Variants in RALGPS2 observed in about 807,000 individuals in gnomAD.
RALGPS2 encodes the protein Ral GEF with PH domain and SH3 binding motif 2, also known as ras-specific guanine nucleotide-releasing factor RalGPS2.
In RALGPS2, 43 loss-of-function variants were observed where a neutral mutation model predicts 86.8. The ratio of observed to expected loss-of-function variants is 0.50; its 90% CI spans 0.39 to 0.64. The LOEUF (loss-of-function observed/expected upper bound fraction) is 0.64. Ranked by LOEUF, RALGPS2 falls within the 30% of genes least tolerant of loss-of-function variation. The probability of loss-of-function intolerance (pLI) is 0.00; values close to 1 mark genes in which losing one functional copy is unlikely to be tolerated. For missense variants in RALGPS2, 536 were observed against 694.6 expected (o/e 0.77, Z 2.57); for synonymous variants, 243 against 231.3 (o/e 1.05, Z -0.46).
intron 1 of RALGPS2, among the ~76,000 whole-genome samples, chr1:178,744,667 A>T (rs982866911): frequency 2.0e-5 from 3 of 151,994 alleles, no homozygotes; most frequent in Admixed American, 1.3e-4. Context: ...TACAAAAAAA[A>T]TTAGCGCGGC....
intron 2 of RALGPS2, among the ~76,000 whole-genome samples, chr1:178,779,304 G>A (rs986798680): frequency 2.0e-5 from 3 of 151,922 alleles, no homozygotes; most frequent in African/African-American, 7.3e-5. Context: ...TAAATCTAGG[G>A]AACTTGCCTG....
rs1650127373 is a variant in RALGPS2 at position 178,728,047 on chromosome 1, G to A, written c.-84+2628G>A. On this transcript the variant is annotated intron_variant, in intron 1 of 19. Transcript: ENST00000367635. ...CTATGTTTATATACTTTGGGTTTCT[G>A]GTTACCAAGTATACCAAAGATAAAC... 2.0e-5 allele frequency among the ~76,000 whole-genome samples: 3 copies of A among 152,112 alleles called. No homozygotes were observed. In the South Asian group the frequency reaches 6.2e-4, roughly 32 times the overall value.
At chr1:178,910,626 TGA>T (rs1343084340) in intron 19 of RALGPS2, among the ~76,000 whole-genome samples, 1 of 152,224 alleles carries the variant, frequency 6.6e-6, no homozygotes, top group Non-Finnish European at 1.5e-5. Context: ...TTGATTGTGG[TGA>T]ATTAACTTTC....
chr1:178,754,346 A>G (rs1017153632), intron 1 of RALGPS2, among the ~76,000 whole-genome samples: 1 of 152,162 alleles, frequency 6.6e-6, no homozygotes, highest in Non-Finnish European at 1.5e-5. Context: ...AAGATATGCC[A>G]TTGGTAAGCT....
chr1:178,834,107 ATAT>A (rs1206916643), intron 8 of RALGPS2, among the ~76,000 whole-genome samples: 25 of 152,288 alleles, frequency 1.6e-4, no homozygotes, highest in Non-Finnish European at 3.1e-4. Flanking sequence ...TTAACCAGTA[ATAT>A]TATAAGATTA....
rs192289753 is a variant in RALGPS2, at chr1:178,791,256, G to C, written c.213+5649G>C. On this transcript the variant is annotated intron_variant, in intron 4 of 19. Transcript: ENST00000367635. ...CCACCTCAGCCTGCCAAGTATCTAA[G>C]ACTAAAGGCATACACCACCACACCT... 4.6e-3 allele frequency among the ~76,000 whole-genome samples: 693 copies of C among 150,428 alleles called. 1 individual carries two copies. The highest frequency in any genetic ancestry group is 0.014 in the Middle Eastern group (4 of 286).
Position 178,916,398 on chromosome 1 carries a change from C to A in RALGPS2, c.*39C>A. ...AAAGAGAGGTGAACTGTTGCTTCTA[C>A]GTGAGCATGAGGACCTGATAAAAGA... On this transcript the variant is annotated 3_prime_UTR_variant, in exon 20 of 20. Coordinates refer to ENST00000367635, the MANE Select transcript of RALGPS2 (RefSeq NM_152663.5). 1 of 1,568,786 alleles carries A rather than the reference C, an allele frequency of 6.4e-7. No individual in the cohort carries two copies. The highest frequency in any genetic ancestry group is 8.8e-7 in the Non-Finnish European group (1 of 1,142,464).
chr1:178,850,577 A>G (rs1657108602), intron 8 of RALGPS2: 1 of 152,152 alleles, frequency 6.6e-6, no homozygotes. Flanking sequence ...AGCATAGGAT[A>G]TATTATTAAG....
At chr1:178,768,516 A>G (rs1225178043) in intron 1 of RALGPS2, among the ~76,000 whole-genome samples, 2 of 152,324 alleles carry the variant, frequency 1.3e-5, no homozygotes, top group East Asian at 3.9e-4. Flanking sequence ...CCTATCAGCC[A>G]GTAGATGGCG....
At chr1:178,915,010 A>G (rs1660757509) in intron 19 of RALGPS2, among the ~76,000 whole-genome samples, 1 of 152,146 alleles carries the variant, frequency 6.6e-6, no homozygotes, top group East Asian at 1.9e-4. Context: ...ACCAGCTTAA[A>G]GGTTCAATTT....
At chr1:178,852,441 G>C (rs1657235737) in intron 8 of RALGPS2, among the ~76,000 whole-genome samples, 1 of 152,104 alleles carries the variant, frequency 6.6e-6, no homozygotes, top group East Asian at 1.9e-4. Context: ...CCAGATTAAT[G>C]TGTTTCTGTT....
chr1:178,831,828 C>T (rs1656036373), intron 7 of RALGPS2, among the ~76,000 whole-genome samples: 1 of 152,134 alleles, frequency 6.6e-6, no homozygotes, highest in Admixed American at 6.5e-5. Context: ...CTCTAGTCTT[C>T]TGGAAACAAG....
At chr1:178,797,268 T>C (rs182379084) in intron 4 of RALGPS2, among the ~76,000 whole-genome samples, 10 of 152,254 alleles carry the variant, frequency 6.6e-5, no homozygotes, top group Non-Finnish European at 1.2e-4. Context: ...AGGAAGATCT[T>C]AGAATCTGAA....
At chr1:178,773,513 G>A (rs1056034327) in intron 1 of RALGPS2, among the ~76,000 whole-genome samples, 2 of 152,140 alleles carry the variant, frequency 1.3e-5, no homozygotes, top group Non-Finnish European at 2.9e-5. Flanking sequence ...GAATAAACTC[G>A]TATCTCTGTC....
intron 1 of RALGPS2, among the ~76,000 whole-genome samples, chr1:178,760,903 C>T (rs779599555): frequency 8.6e-5 from 13 of 151,786 alleles, no homozygotes; most frequent in African/African-American, 1.7e-4. Context: ...TTCTTCTTCT[C>T]GGTCTCTTTC....
chr1:178,849,579 G>T (rs1468440841), intron 8 of RALGPS2: 1 of 152,196 alleles, frequency 6.6e-6, no homozygotes, highest in African/African-American at 2.4e-5. Flanking sequence ...AAGATTTGGT[G>T]TAACAGTTAG....
Position 178,900,330 on chromosome 1 carries a change from T to C in RALGPS2, c.1525-1776T>C, listed in dbSNP as rs536937110. ...AGAACAGTTTGTGTGGGTAGAGTGA[T>C]CAACCTCACTTACTATTTAAAAATG... On this transcript the variant is annotated intron_variant, in intron 17 of 19. Coordinates refer to ENST00000367635, the MANE Select transcript of RALGPS2 (RefSeq NM_152663.5). 3.3e-5 allele frequency among the ~76,000 whole-genome samples: 5 copies of C among 152,068 alleles called. No individual in the cohort carries two copies. In the South Asian group the frequency reaches 1.0e-3, roughly 32 times the overall value.
In RALGPS2 at chr1:178,916,443, C is replaced by G. The variant is rs921369946; in HGVS notation, c.*84C>G. On this transcript the variant is annotated 3_prime_UTR_variant, in exon 20 of 20. Coordinates refer to ENST00000367635, the MANE Select transcript of RALGPS2 (RefSeq NM_152663.5). ...AAAAGAGCGCCAGCTATAAACCATC[C>G]TGTGCCAGGAAGAGCCCAGAGGCTC... 2 of 1,347,256 alleles carry G rather than the reference C, an allele frequency of 1.5e-6. No homozygotes were observed. The highest frequency in any genetic ancestry group is 2.1e-6 in the Non-Finnish European group (2 of 969,378). 83.5% of individuals were successfully genotyped at this position (1,347,256 alleles called of 1,614,324 possible).
At chr1:178,809,925 G>C (rs1400483347) in intron 5 of RALGPS2, among the ~76,000 whole-genome samples, 1 of 152,130 alleles carries the variant, frequency 6.6e-6, no homozygotes, top group African/African-American at 2.4e-5. Context: ...GATAGAGAGT[G>C]ACAAAGAATG....
Sources: gnomAD v4.1 joint callset for allele counts (sites outside exome capture counted in the v4.1 genomes callset) on GRCh38, gnomAD v4.1.1 for gene constraint, MANE v1.5 for transcripts, NCBI Gene and HGNC (gene_info 2026-07-23, HGNC 2026-07-21) for gene names.